RRAS2: variants seen among roughly 807,000 people sequenced by gnomAD.
The protein encoded by RRAS2 is ras-related protein R-Ras2.
RRAS2 carries 7 observed loss-of-function variants against 27.6 expected under a neutral mutation model. The ratio of observed to expected loss-of-function variants is 0.25; its 90% CI spans 0.14 to 0.48. The LOEUF (loss-of-function observed/expected upper bound fraction) is 0.48. Ranked by LOEUF, RRAS2 falls within the 20% of genes least tolerant of loss-of-function variation. The probability of loss-of-function intolerance (pLI) is 0.99; values close to 1 mark genes in which losing one functional copy is unlikely to be tolerated. For synonymous variants in RRAS2, 86 were observed against 90.9 expected, an observed-to-expected ratio of 0.95 and a Z score of 0.31; for missense variants, 178 against 256.2, an observed-to-expected ratio of 0.69 and a Z score of 2.08.
chr11:14,323,957 A>G (rs1177666604), intron 1 of RRAS2, among the ~76,000 whole-genome samples: 1 of 148,116 alleles, frequency 6.8e-6, no homozygotes, highest in African/African-American at 2.5e-5. Context: ...TGGAAAAAGG[A>G]TAAGAAAATG....
intron 1 of RRAS2, among the ~76,000 whole-genome samples, chr11:14,305,673 T>A (rs1554947991): frequency 6.6e-6 from 1 of 152,186 alleles, no homozygotes; most frequent in Non-Finnish European, 1.5e-5. Flanking sequence ...AATTCCCAAA[T>A]TAAAACCCAC....
intron 1 of RRAS2, among the ~76,000 whole-genome samples, chr11:14,337,905 A>G (rs1239032295): frequency 1.3e-5 from 2 of 152,204 alleles, no homozygotes; most frequent in Non-Finnish European, 2.9e-5. Flanking sequence ...AAGAATGGCT[A>G]AAGAAAGTTC....
upstream of RRAS2, among the ~76,000 whole-genome samples, chr11:14,360,766 C>T (rs561140895): frequency 6.6e-6 from 1 of 151,350 alleles, no homozygotes; most frequent in Admixed American, 6.6e-5. Context: ...ACTAAAAATA[C>T]AAAAATTAGT....
intron 1 of RRAS2, among the ~76,000 whole-genome samples, chr11:14,324,869 T>C (rs1015511752): frequency 1.3e-5 from 2 of 152,024 alleles, no homozygotes; most frequent in African/African-American, 4.8e-5. Flanking sequence ...GATATATAAA[T>C]AGAAGAGCAG....
intron 1 of RRAS2, among the ~76,000 whole-genome samples, chr11:14,343,056 A>G (rs1371948197): frequency 6.6e-6 from 1 of 152,242 alleles, no homozygotes; most frequent in Non-Finnish European, 1.5e-5. Context: ...CCAGTAAGAC[A>G]GCTGGAACAA....
intron 1 of RRAS2, among the ~76,000 whole-genome samples, chr11:14,319,166 G>C (rs1266610385): frequency 6.6e-6 from 1 of 152,090 alleles, no homozygotes; most frequent in Non-Finnish European, 1.5e-5. Context: ...TATTGCCCCT[G>C]CTTTCTCTAG....
At chr11:14,337,560 T>G (rs1336236564) in intron 1 of RRAS2, among the ~76,000 whole-genome samples, 1 of 152,236 alleles carries the variant, frequency 6.6e-6, no homozygotes, top group Non-Finnish European at 1.5e-5. Flanking sequence ...AAAGACCGCA[T>G]TCAGATAACT....
intron 1 of RRAS2, among the ~76,000 whole-genome samples, chr11:14,336,345 G>GA (rs1174381591): frequency 2.6e-5 from 4 of 151,982 alleles, no homozygotes; most frequent in Non-Finnish European, 5.9e-5. Context: ...GATTTCAAAA[G>GA]AAAAACCCAA....
At chr11:14,335,163 T>A (rs1848565455) in intron 1 of RRAS2, among the ~76,000 whole-genome samples, 1 of 152,248 alleles carries the variant, frequency 6.6e-6, no homozygotes. Context: ...AGTTCTCCAG[T>A]GGGTTCTGTT....
At chr11:14,292,645 G>A (rs1847431449) in intron 4 of RRAS2, among the ~76,000 whole-genome samples, 1 of 151,910 alleles carries the variant, frequency 6.6e-6, no homozygotes, top group Admixed American at 6.6e-5. Flanking sequence ...TATAATGTAA[G>A]CAATGCCATA....
intron 1 of RRAS2, among the ~76,000 whole-genome samples, chr11:14,301,299 G>C (rs1450879399): frequency 6.6e-6 from 1 of 152,118 alleles, no homozygotes; most frequent in Non-Finnish European, 1.5e-5. Context: ...AGCACATAAG[G>C]AAAGAGACAG....
intron 4 of RRAS2, among the ~76,000 whole-genome samples, chr11:14,287,511 T>C (rs532666060): frequency 4.5e-4 from 68 of 152,266 alleles, no homozygotes; most frequent in African/African-American, 1.6e-3. Context: ...AGATACCTTG[T>C]CCTACCCATC....
chr11:14,336,188 T>C (rs139639761), intron 1 of RRAS2, among the ~76,000 whole-genome samples: 53 of 152,268 alleles, frequency 3.5e-4, no homozygotes, highest in Non-Finnish European at 6.5e-4. Context: ...GGACTTAATG[T>C]AAGCTGAGTA....
chr11:14,348,167 AAAGAC>A (rs1848877265), intron 1 of RRAS2, among the ~76,000 whole-genome samples: 1 of 152,216 alleles, frequency 6.6e-6, no homozygotes, highest in Non-Finnish European at 1.5e-5. Flanking sequence ...AACAAATTAT[AAAGAC>A]AAGATCTCAT....
chr11:14,352,254 C>T (rs1475843058), intron 1 of RRAS2, among the ~76,000 whole-genome samples: 2 of 152,172 alleles, frequency 1.3e-5, no homozygotes, highest in African/African-American at 4.8e-5. Context: ...AAACTGACTG[C>T]ATTTTTAATT....
intron 1 of RRAS2, among the ~76,000 whole-genome samples, chr11:14,309,516 G>C (rs1251516500): frequency 6.6e-6 from 1 of 152,152 alleles, no homozygotes; most frequent in East Asian, 1.9e-4. Flanking sequence ...AAAAATGAAG[G>C]GGGCTGGCAA....
intron 1 of RRAS2, among the ~76,000 whole-genome samples, chr11:14,339,678 G>A: frequency 6.6e-6 from 1 of 152,124 alleles, no homozygotes; most frequent in Non-Finnish European, 1.5e-5. Flanking sequence ...AAAATAGAAA[G>A]TTAAAGTTAA....
chr11:14,303,471 T>TC (rs1338433452), intron 1 of RRAS2, among the ~76,000 whole-genome samples: 2 of 152,164 alleles, frequency 1.3e-5, no homozygotes, highest in Non-Finnish European at 2.9e-5. Flanking sequence ...ACACAACAGT[T>TC]CATGCCTGTA....
intron 2 of RRAS2, 125 bp downstream of exon 2, chr11:14,295,643 T>C: frequency 1.5e-6 from 1 of 676,576 alleles, no homozygotes; most frequent in Non-Finnish European, 2.3e-6. Flanking sequence ...AACTTATAAA[T>C]GACATGGGCT....
Sources: allele counts gnomAD v4.1 joint callset (sites outside exome capture counted in the v4.1 genomes callset), GRCh38; gene constraint gnomAD v4.1.1; transcripts MANE v1.5; gene names NCBI Gene and HGNC (gene_info 2026-07-23, HGNC 2026-07-21).